The following MYO9A variants were observed in gnomAD, a reference collection of about 807,000 sequenced individuals.
The protein encoded by MYO9A is unconventional myosin-IXa.
In MYO9A, 103 loss-of-function variants were observed where a neutral mutation model predicts 293.3. The ratio of observed to expected loss-of-function variants is 0.35; its 90% CI spans 0.30 to 0.41. The LOEUF (loss-of-function observed/expected upper bound fraction) is 0.41, where lower values mean the gene tolerates loss of function less well. MYO9A is among the 10% of genes least tolerant of loss of function. MYO9A has a pLI of 1.00. For missense variants in MYO9A, 2,685 were observed against 3,033.0 expected, an observed-to-expected ratio of 0.89 and a Z score of 2.69; for synonymous variants, 1,001 against 1,035.7, an observed-to-expected ratio of 0.97 and a Z score of 0.64.
In MYO9A at chr15:72,020,924, G is replaced by T. The variant is rs2077484567; in HGVS notation, c.1092C>A (p.Leu364=). 6.6e-7 allele frequency: 1 copy of T among 1,519,276 alleles called. No homozygotes were observed. Among genetic ancestry groups the T allele is most frequent in the Non-Finnish European group, 8.8e-7 (1 of 1,138,174 alleles). 94.1% of individuals were successfully genotyped at this position (1,519,276 alleles called of 1,614,324 possible). ...GCTTTTTATGAACTCTCACCTGATT[G>T]AGATAATGATATTCCTCTGGTTGCT... ...HLKQPEEYHY[L]NQITKKPLRQ... is the part of the protein sequence containing the mutation. The change falls in exon 5 of 42, where the codon CTC becomes CTA. Residue 364 remains leucine, a synonymous_variant. Transcript: ENST00000356056.
At position 71,898,302 on chromosome 15, in the gene MYO9A, A is replaced by T; in HGVS notation, c.4201T>A (p.Ser1401Thr). The T allele has an allele frequency of 6.2e-7, 1 of 1,613,988 alleles. No homozygotes were observed. Among genetic ancestry groups the T allele is most frequent in the Non-Finnish European group, 8.5e-7 (1 of 1,180,012 alleles). The change falls in exon 25 of 42, where the codon TCT becomes ACT. Residue 1401 changes from serine (S) to threonine (T), a missense_variant. Physicochemically the swap from Ser to Thr is moderately conservative, Grantham distance 58. Coordinates refer to ENST00000356056, the MANE Select transcript of MYO9A (RefSeq NM_006901.4). ...TTCAGCTGTGGTTTACAGGTAATAG[A>T]CTCAGAACTGCAGACCACCATTTCC... ...MKEMVVCSSE[S>T]ITCKPQLKDS...
At chr15:72,035,000 T>C (rs2077998285) in intron 2 of MYO9A, among the ~76,000 whole-genome samples, 1 of 152,166 alleles carries the variant, frequency 6.6e-6, no homozygotes, top group Admixed American at 6.5e-5. Flanking sequence ...CAAATAAGCA[T>C]GAGAAAGCAT....
intron 29 of MYO9A, 109 bp downstream of exon 29, chr15:71,880,226 A>G (rs911014985): frequency 6.3e-5 from 59 of 938,058 alleles, no homozygotes; most frequent in Non-Finnish European, 9.3e-5. Context: ...CAGATCATCT[A>G]AAGCATGGAA....
At chr15:72,065,946 A>G (rs2150074465) in intron 1 of MYO9A, among the ~76,000 whole-genome samples, 1 of 152,364 alleles carries the variant, frequency 6.6e-6, no homozygotes, top group South Asian at 2.1e-4. Context: ...TGGCTACACC[A>G]CAACTTAGTT....
chr15:72,047,337 C>T (rs192214326), intron 1 of MYO9A, among the ~76,000 whole-genome samples: 211 of 152,264 alleles, frequency 1.4e-3, no homozygotes, highest in African/African-American at 4.5e-3. Flanking sequence ...TTTTATTCAG[C>T]TTCCCTTTTT....
chr15:71,852,358 GT>G, intron 35 of MYO9A, 98 bp from the exon 36 acceptor site: 1 of 706,294 alleles, frequency 1.4e-6, no homozygotes, highest in South Asian at 3.3e-5. Context: ...AAGGCTTCAT[GT>G]TTCTTTTTTT....
intron 12 of MYO9A, among the ~76,000 whole-genome samples, chr15:71,973,408 A>G (rs2076061384): frequency 1.3e-5 from 2 of 152,138 alleles, no homozygotes; most frequent in Non-Finnish European, 2.9e-5. Context: ...GAGTAACTAC[A>G]TTAGGGGCAG....
Position 71,994,579 on chromosome 15 carries a change from T to A in MYO9A, c.1477A>T (p.Thr493Ser). The A allele has an allele frequency of 1.3e-6, 2 of 1,587,662 alleles. No individual in the cohort carries two copies. The highest frequency in any genetic ancestry group is 8.5e-7 in the Non-Finnish European group (1 of 1,170,230). ...ILPYKLAEAV[T>S]VRNSMAKSLY... is the part of the protein sequence containing the mutation. ...GACTTAGCCATGGAGTTCCTCACTGTCACAGCCTGAAAAACAAAAGCATTA... is the reference window on the plus strand; with the variant it reads ...GACTTAGCCATGGAGTTCCTCACTGACACAGCCTGAAAAACAAAAGCATTA... Residue 493 changes from threonine to serine, a missense_variant, in exon 10 of 42, where the codon ACA (threonine) becomes TCA (serine). Around this residue, in one of 10 missense-constraint regions of MYO9A, gnomAD observed 289 missense variants for 456.8 expected, o/e 0.63. Coordinates refer to ENST00000356056, the MANE Select transcript of MYO9A (RefSeq NM_006901.4).
chr15:71,950,582 T>G (rs952795612), intron 15 of MYO9A, among the ~76,000 whole-genome samples: 2 of 152,202 alleles, frequency 1.3e-5, no homozygotes, highest in Non-Finnish European at 2.9e-5. Flanking sequence ...CAGCAACAAT[T>G]AAGAATAATT....
intron 1 of MYO9A, among the ~76,000 whole-genome samples, chr15:72,050,160 G>T (rs1299355200): frequency 2.1e-4 from 29 of 140,996 alleles, no homozygotes; most frequent in Non-Finnish European, 3.4e-4. Flanking sequence ...TTTTTGTTTT[G>T]TTTTTTTTTT....
intron 1 of MYO9A, among the ~76,000 whole-genome samples, chr15:72,085,289 A>C (rs1052485956): frequency 1.3e-5 from 2 of 152,070 alleles, no homozygotes; most frequent in African/African-American, 4.8e-5. Context: ...GCTTTTCGGG[A>C]AGCTGAGGCA....
At chr15:71,997,649 A>C (rs1192814097) in intron 9 of MYO9A, among the ~76,000 whole-genome samples, 1 of 152,122 alleles carries the variant, frequency 6.6e-6, no homozygotes, top group Non-Finnish European at 1.5e-5. Flanking sequence ...AAAAGTAGGG[A>C]ATACAAAATA....
At chr15:71,902,524 A>AAG (rs2057515143) in intron 22 of MYO9A, among the ~76,000 whole-genome samples, 1 of 152,110 alleles carries the variant, frequency 6.6e-6, no homozygotes, top group Non-Finnish European at 1.5e-5. Context: ...CTCTTTGTAA[A>AAG]AGGAAAAAAA....
rs545153121 is a variant in MYO9A at position 71,927,257 on chromosome 15, A to C, written c.2562+6413T>G. Reference sequence around the variant, plus strand: ...GACTGCTTATATATTCTAGACATTAACCCACTGCCATATGCATAGTCTGCA... The same window carrying C: ...GACTGCTTATATATTCTAGACATTACCCCACTGCCATATGCATAGTCTGCA... On this transcript the variant is annotated intron_variant, in intron 18 of 41. Transcript: ENST00000356056. Among the ~76,000 whole-genome samples the C allele has an allele frequency of 5.3e-5, 8 of 152,250 alleles. 1 individual carries two copies. The South Asian group carries it at 1.7e-3, about 32-fold the overall frequency.
chr15:72,097,766 T>C (rs989048034), intron 1 of MYO9A, among the ~76,000 whole-genome samples: 2 of 151,934 alleles, frequency 1.3e-5, no homozygotes, highest in African/African-American at 4.8e-5. Flanking sequence ...AAAAATGAGC[T>C]GGGCATGGTG....
intron 41 of MYO9A, 98 bp from the exon 42 acceptor site, chr15:71,827,141 T>A: frequency 1.1e-6 from 1 of 942,310 alleles, no homozygotes; most frequent in East Asian, 2.5e-5. Context: ...TGAAATTGGG[T>A]GGGATAAGAT....
intron 19 of MYO9A, among the ~76,000 whole-genome samples, chr15:71,906,754 C>G (rs867041542): frequency 4.9e-5 from 2 of 40,938 alleles, no homozygotes; most frequent in African/African-American, 1.5e-4. Context: ...ATATCCATTT[C>G]TTTCTTTTTT....
At chr15:72,110,193 T>C (rs1471551081) in intron 1 of MYO9A, among the ~76,000 whole-genome samples, 1 of 151,820 alleles carries the variant, frequency 6.6e-6, no homozygotes, top group Admixed American at 6.6e-5. Context: ...CCCAGCACTT[T>C]GGGAGGCCGA....
intron 35 of MYO9A, 159 bp from the exon 36 acceptor site, chr15:71,852,419 AATGGT>A: frequency 8.1e-6 from 5 of 618,766 alleles, no homozygotes; most frequent in Non-Finnish European, 1.2e-5. Flanking sequence ...GCTGGAGTGC[AATGGT>A]GTGATCTCAG....
Sources: allele counts gnomAD v4.1 joint callset (sites outside exome capture counted in the v4.1 genomes callset), GRCh38; gene constraint gnomAD v4.1.1; regional missense constraint gnomAD v4.1.1; transcripts MANE v1.5; gene names NCBI Gene and HGNC (gene_info 2026-07-23, HGNC 2026-07-21).